The following STAT4 variants were observed in gnomAD, a reference collection of about 807,000 sequenced individuals.
STAT4 encodes signal transducer and activator of transcription 4.
A neutral mutation model predicts 110.5 loss-of-function variants in STAT4; 42 were observed. The observed-to-expected ratio is 0.38, with a 90% CI of 0.30 to 0.49. The LOEUF (loss-of-function observed/expected upper bound fraction) is 0.49. Among genes scored for constraint, STAT4 ranks in the 20% least tolerant of loss-of-function variants. The pLI is 0.95. For missense variants in STAT4, 632 were observed against 887.9 expected (o/e 0.71, Z 3.66); for synonymous variants, 284 against 302.2 (o/e 0.94, Z 0.63).
Position 191,116,729 on chromosome 2 carries a change from C to G in STAT4, c.273+29884G>C, listed in dbSNP as rs1301270053. 6.6e-6 allele frequency among the ~76,000 whole-genome samples: 1 copy of G among 152,130 alleles called. No homozygotes were observed. Among genetic ancestry groups the G allele is most frequent in the East Asian group, 1.9e-4 (1 of 5,196 alleles). On this transcript the variant is annotated intron_variant, in intron 3 of 23. Transcript: ENST00000392320. This position sits in a 1 kb window ranked among gnomAD's most constrained non-coding sequence, Gnocchi z 4.1. ...CATCACATACCTCATGGGCAGGAGA[C>G]ACCTCTGTCTTACTGCCTGTTGTAT... is the stretch of plus-strand genomic sequence containing the variant.
chr2:191,148,052 T>C, intron 2 of STAT4, 24 bp downstream of exon 2: 1 of 1,612,972 alleles, frequency 6.2e-7, no homozygotes, highest in Non-Finnish European at 8.5e-7. Context: ...CATCAACTTC[T>C]AGGGAAAATA....
rs1213133482 is a variant in STAT4 at position 191,135,939 on chromosome 2, C to T, written c.273+10674G>A. ...CAAAGAGACAACTACAGGCCAATATCCCTGATGAATACTGATGCAAAATTT... is the reference window on the plus strand; with the variant it reads ...CAAAGAGACAACTACAGGCCAATATTCCTGATGAATACTGATGCAAAATTT... On this transcript the variant is annotated intron_variant, in intron 3 of 23. Transcript: ENST00000392320. The surrounding 1 kb of genome is among the most constrained non-coding windows in gnomAD (Gnocchi z 4.8). 6.6e-6 allele frequency among the ~76,000 whole-genome samples: 1 copy of T among 150,854 alleles called. No homozygotes were observed. Among genetic ancestry groups the T allele is most frequent in the Non-Finnish European group, 1.5e-5 (1 of 67,896 alleles).
chr2:191,086,714 A>C lies in STAT4; in HGVS notation c.274-10389T>G, dbSNP rs1697645008. 6.6e-6 allele frequency among the ~76,000 whole-genome samples: 1 copy of C among 152,164 alleles called. No individual in the cohort carries two copies. The highest frequency in any genetic ancestry group is 2.1e-4 in the South Asian group (1 of 4,830). On this transcript the variant is annotated intron_variant, in intron 3 of 23. Transcript: ENST00000392320. The surrounding 1 kb of genome is among the most constrained non-coding windows in gnomAD (Gnocchi z 5.5). ...TGAGTTCTGAATTTTTCTCCTGGCTATATATCTCCAAACTAATATTTTCAA... is the reference window on the plus strand; with the variant it reads ...TGAGTTCTGAATTTTTCTCCTGGCTCTATATCTCCAAACTAATATTTTCAA...
At chr2:191,136,018 A>C (rs1372293610) in intron 3 of STAT4, among the ~76,000 whole-genome samples, 2 of 129,452 alleles carry the variant, frequency 1.5e-5, no homozygotes, top group East Asian at 2.2e-4. Flanking sequence ...AAAAAAAAAA[A>C]AAAACCAAAA....
intron 14 of STAT4, among the ~76,000 whole-genome samples, chr2:191,052,909 G>T (rs567360308): frequency 6.6e-6 from 1 of 152,308 alleles, no homozygotes; most frequent in Admixed American, 6.5e-5. Context: ...CTCTGCTCCT[G>T]TGATTTCTTT....
chr2:191,033,979 G>A lies in STAT4; in HGVS notation c.1647C>T (p.Thr549=). ...ATATTGCTTCAAGCCATGTCCAAAA[G>A]GTAAATGATTTACCAGGTAAATGTT... ...CKEHLPGKSF[T]FWTWLEAILD... Residue 549 remains threonine (T), a synonymous_variant, in exon 19 of 24, where the codon ACC becomes ACT. Coordinates refer to ENST00000392320, the MANE Select transcript of STAT4 (RefSeq NM_003151.4). The surrounding 1 kb of genome is among the most constrained non-coding windows in gnomAD (Gnocchi z 6.9). 6.2e-7 allele frequency: 1 copy of A among 1,610,522 alleles called. No individual in the cohort carries two copies. The highest frequency in any genetic ancestry group is 8.5e-7 in the Non-Finnish European group (1 of 1,178,548).
At chr2:191,134,550 C>T (rs1699127135) in intron 3 of STAT4, among the ~76,000 whole-genome samples, 1 of 152,162 alleles carries the variant, frequency 6.6e-6, no homozygotes. Context: ...AACAAATGCA[C>T]CCTAAGCCAT....
Position 191,143,934 on chromosome 2 carries a change from G to A in STAT4, c.273+2679C>T, listed in dbSNP as rs1699398046. 6.6e-6 allele frequency among the ~76,000 whole-genome samples: 1 copy of A among 152,086 alleles called. No individual in the cohort carries two copies. Among genetic ancestry groups the A allele is most frequent in the Admixed American group, 6.6e-5 (1 of 15,262 alleles). On this transcript the variant is annotated intron_variant, in intron 3 of 23. Transcript: ENST00000392320. This position sits in a 1 kb window ranked among gnomAD's most constrained non-coding sequence, Gnocchi z 5.6. ...GAAGCATAAAACTCAGGTTTGTTTA[G>A]GTGTAAAACCATAGCTGACAATGAT...
intron 3 of STAT4, among the ~76,000 whole-genome samples, chr2:191,085,232 C>T (rs888405707): frequency 6.6e-6 from 1 of 151,702 alleles, no homozygotes; most frequent in Non-Finnish European, 1.5e-5. Flanking sequence ...ACTTGTGGTC[C>T]TATTTGTGAT....
chr2:191,129,118 T>C (rs1385493831), intron 3 of STAT4, among the ~76,000 whole-genome samples: 2 of 151,974 alleles, frequency 1.3e-5, no homozygotes, highest in African/African-American at 4.8e-5. Flanking sequence ...CTAAATAAAA[T>C]TTGCTGCATG....
chr2:191,150,009 C>T lies in STAT4; in HGVS notation c.-2+938G>A, dbSNP rs139000901. On this transcript the variant is annotated intron_variant, in intron 1 of 23. Transcript: ENST00000392320. This position sits in a 1 kb window ranked among gnomAD's most constrained non-coding sequence, Gnocchi z 6.4. ...AAGAGGATTTTGAATGTTCACAACACAAAGTAATGATAAATGTTTGAGGTG... is the reference window on the plus strand; with the variant it reads ...AAGAGGATTTTGAATGTTCACAACATAAAGTAATGATAAATGTTTGAGGTG... Among the ~76,000 whole-genome samples the T allele has an allele frequency of 4.2e-3, 643 of 152,124 alleles. 3 individuals are homozygous for T. The highest frequency in any genetic ancestry group is 7.5e-3 in the Non-Finnish European group (511 of 67,990).
intron 5 of STAT4, among the ~76,000 whole-genome samples, chr2:191,072,402 C>T (rs1697190464): frequency 6.6e-6 from 1 of 152,210 alleles, no homozygotes; most frequent in East Asian, 1.9e-4. Flanking sequence ...CAGTGTAAGC[C>T]CAGACTTTTG....
rs376805314 is a variant in STAT4 at position 191,108,088 on chromosome 2, C to T, written c.274-31763G>A. Among the ~76,000 whole-genome samples, 106 of 152,062 alleles carry T rather than the reference C, an allele frequency of 7.0e-4. 2 individuals are homozygous for T. The East Asian group carries it at 9.9e-3, about 14-fold the overall frequency. ...GGTGGATCACCTGAGGTCAGGAGTT[C>T]AAGACCAGCCAGGTCAACATGGCGA... On this transcript the variant is annotated intron_variant, in intron 3 of 23. Coordinates refer to ENST00000392320, the MANE Select transcript of STAT4 (RefSeq NM_003151.4).
intron 3 of STAT4, among the ~76,000 whole-genome samples, chr2:191,080,120 T>C (rs1209850319): frequency 1.3e-5 from 2 of 152,186 alleles, no homozygotes; most frequent in African/African-American, 4.8e-5. Flanking sequence ...TGAAATCTTT[T>C]ATTACCATGC....
intron 3 of STAT4, among the ~76,000 whole-genome samples, chr2:191,098,252 C>T (rs938051343): frequency 6.6e-6 from 1 of 152,198 alleles, no homozygotes; most frequent in African/African-American, 2.4e-5. Flanking sequence ...ACCCAGCGAT[C>T]CCATTACTGG....
At chr2:191,109,073 T>C (rs1698356457) in intron 3 of STAT4, among the ~76,000 whole-genome samples, 1 of 152,218 alleles carries the variant, frequency 6.6e-6, no homozygotes, top group Non-Finnish European at 1.5e-5. Flanking sequence ...CACTATTAAG[T>C]GTATCTGCTA....
At chr2:191,111,078 G>A (rs1165645403) in intron 3 of STAT4, among the ~76,000 whole-genome samples, 3 of 152,096 alleles carry the variant, frequency 2.0e-5, no homozygotes, top group East Asian at 3.9e-4. Context: ...GAGCCACCAC[G>A]GCCAGTGAAT....
chr2:191,126,780 T>C (rs1698893512), intron 3 of STAT4, among the ~76,000 whole-genome samples: 1 of 152,228 alleles, frequency 6.6e-6, no homozygotes, highest in African/African-American at 2.4e-5. Context: ...ACTTGACTTT[T>C]CATCACATGA....
Position 191,032,868 on chromosome 2 carries a change from GAA to G in STAT4, c.2044+88_2044+89del. On this transcript the variant is annotated intron_variant, in intron 21 of 23. Coordinates refer to ENST00000392320, the MANE Select transcript of STAT4 (RefSeq NM_003151.4). The surrounding 1 kb of genome is among the most constrained non-coding windows in gnomAD (Gnocchi z 4.9). Reference sequence around the variant, plus strand: ...ATCTTACAGAAATCAGAGTAAACAAGAAGGGGAACTTCATTTACTTTGCTCCA... The same window carrying G: ...ATCTTACAGAAATCAGAGTAAACAAGGGGGAACTTCATTTACTTTGCTCCA... 4 of 1,300,410 alleles carry G rather than the reference GAA, an allele frequency of 3.1e-6. No homozygotes were observed. Among genetic ancestry groups the G allele is most frequent in the Non-Finnish European group, 4.2e-6 (4 of 942,244 alleles). The allele number at this position is 1,300,410 out of a possible 1,614,324, so 80.6% of individuals were successfully genotyped here.
Sources: allele counts gnomAD v4.1 joint callset (sites outside exome capture counted in the v4.1 genomes callset), GRCh38; gene constraint gnomAD v4.1.1; non-coding constraint Gnocchi (gnomAD v3.1); transcripts MANE v1.5; gene names NCBI Gene and HGNC (gene_info 2026-07-23, HGNC 2026-07-21).